Variants in TMPRSS5 observed in about 807,000 individuals in gnomAD.
The protein encoded by TMPRSS5 is transmembrane serine protease 5, also known as transmembrane protease serine 5.
Under a neutral mutation model 59.7 loss-of-function variants are expected in TMPRSS5, and 45 were observed. That is an observed-to-expected ratio of 0.75 (90% confidence interval 0.59 to 0.97). TMPRSS5 has a LOEUF of 0.97. TMPRSS5 is among the 50% of genes least tolerant of loss of function. The pLI, the probability that TMPRSS5 is intolerant of heterozygous loss-of-function variation, is 0.00. For synonymous variants in TMPRSS5, 225 were observed against 232.0 expected, an observed-to-expected ratio of 0.97 and a Z score of 0.27; for missense variants, 585 against 596.7, an observed-to-expected ratio of 0.98 and a Z score of 0.20.
intron 1 of TMPRSS5, among the ~76,000 whole-genome samples, chr11:113,702,595 C>T (rs1480715698): frequency 5.9e-5 from 9 of 152,206 alleles, no homozygotes; most frequent in Non-Finnish European, 1.2e-4. Context: ...GAAAATATCT[C>T]CAGGGCATGT....
At chr11:113,701,748 T>C (rs1338657179) in intron 1 of TMPRSS5, among the ~76,000 whole-genome samples, 1 of 151,334 alleles carries the variant, frequency 6.6e-6, no homozygotes, top group Non-Finnish European at 1.5e-5. Context: ...TATAGTTTCA[T>C]ATAAATGAAA....
At position 113,701,940 on chromosome 11, in the gene TMPRSS5, C is replaced by T. The variant is rs540748560; in HGVS notation, c.4-1772G>A. On this transcript the variant is annotated intron_variant, in intron 1 of 12. Transcript: ENST00000299882. The stretch of plus-strand genomic sequence containing the variant: ...TATGCATTCGGTATTTGTCCTAATG[C>T]TCTCCCTCCCCTTGTCCCCCACCCC... 2.6e-5 allele frequency among the ~76,000 whole-genome samples: 4 copies of T among 152,204 alleles called. No homozygotes were observed. In the East Asian group the frequency reaches 5.8e-4, roughly 22 times the overall value.
In TMPRSS5 at chr11:113,690,874, C is replaced by G; in HGVS notation, c.1030G>C (p.Val344Leu). The stretch of plus-strand genomic sequence containing the variant: ...GGGTGGGTGTGGCCCCAGCCAGACA[C>G]CCAGCACCGCGAGCCCTTCGGAAAA... ...QHFPKGSRCW[V>L]SGWGHTHPSH... Residue 344 changes from valine to leucine, a missense_variant, in exon 10 of 13, where the codon GTG becomes CTG. Val to Leu is a conservative substitution (Grantham distance 32). Transcript: ENST00000299882. The G allele has an allele frequency of 6.3e-7, 1 of 1,596,008 alleles. No individual in the cohort carries two copies. The highest frequency in any genetic ancestry group is 8.5e-7 in the Non-Finnish European group (1 of 1,172,120).
At chr11:113,688,809 C>T (rs1279994255) in intron 12 of TMPRSS5, among the ~76,000 whole-genome samples, 1 of 152,140 alleles carries the variant, frequency 6.6e-6, no homozygotes, top group East Asian at 1.9e-4. Context: ...GATCCGCCCA[C>T]CTCGGCCGCC....
At chr11:113,698,088 C>CG (rs1952980828) in intron 4 of TMPRSS5, among the ~76,000 whole-genome samples, 1 of 152,072 alleles carries the variant, frequency 6.6e-6, no homozygotes, top group Non-Finnish European at 1.5e-5. Flanking sequence ...AGGAAAGGCC[C>CG]GGGGAGTACA....
chr11:113,690,176 G>GGCCCACCCCCCCCCCCACC, intron 11 of TMPRSS5, 55 bp downstream of exon 11: 1 of 388,230 alleles, frequency 2.6e-6, no homozygotes, highest in Non-Finnish European at 4.2e-6. Context: ...CAGGCCCCCT[G>GGCCCACCCCCCCCCCCACC]CCCTCCCACC....
intron 1 of TMPRSS5, among the ~76,000 whole-genome samples, chr11:113,705,481 A>G (rs1953265793): frequency 6.6e-6 from 1 of 152,178 alleles, no homozygotes; most frequent in South Asian, 2.1e-4. Flanking sequence ...GACCTATAGG[A>G]CTGGACCTCC....
chr11:113,706,307 C>G lies in TMPRSS5; in HGVS notation c.-83G>C, dbSNP rs546413665. The G allele has an allele frequency of 1.2e-5, 18 of 1,542,108 alleles. 2 individuals are homozygous for G. The Middle Eastern group carries it at 1.2e-3, about 101-fold the overall frequency. On this transcript the variant is annotated 5_prime_UTR_variant, in exon 1 of 13. Transcript: ENST00000299882. Reference sequence around the variant, plus strand: ...GTTCTCAGGCCAGCATTGATTAAAGCTAGCCCAGCAAGCTTGGTTGGAAGA... The same window carrying G: ...GTTCTCAGGCCAGCATTGATTAAAGGTAGCCCAGCAAGCTTGGTTGGAAGA...
chr11:113,704,139 C>A (rs1953219838), intron 1 of TMPRSS5, among the ~76,000 whole-genome samples: 1 of 151,964 alleles, frequency 6.6e-6, no homozygotes, highest in Admixed American at 6.6e-5. Flanking sequence ...AAGCATAGAG[C>A]AGAGTATGTC....
chr11:113,703,697 T>C (rs1953204978), intron 1 of TMPRSS5, among the ~76,000 whole-genome samples: 1 of 152,206 alleles, frequency 6.6e-6, no homozygotes, highest in Non-Finnish European at 1.5e-5. Context: ...AGTTCCCCTA[T>C]GCTATTCTCA....
At chr11:113,698,314 T>G (rs931061322) in intron 4 of TMPRSS5, among the ~76,000 whole-genome samples, 7 of 152,220 alleles carry the variant, frequency 4.6e-5, no homozygotes, top group Non-Finnish European at 1.0e-4. Flanking sequence ...GTTTTATCCT[T>G]AAACAATTTG....
In TMPRSS5 at chr11:113,689,875, A is replaced by G; in HGVS notation, c.1249T>C (p.Trp417Arg). Residue 417 changes from tryptophan (W) to arginine (R), a missense_variant, in exon 12 of 13, where the codon TGG (tryptophan) becomes CGG (arginine). Trp to Arg is a moderately radical substitution (Grantham distance 101). Transcript: ENST00000299882. ...CAGCTGACCACCCCCACTAGGCGCCATGTGTCCCCATCTGGGCACACTAGG... is the reference window on the plus strand; with the variant it reads ...CAGCTGACCACCCCCACTAGGCGCCGTGTGTCCCCATCTGGGCACACTAGG... ...GPLVCPDGDTWRLVGVVSWGR... is the reference protein window; with the variant it reads ...GPLVCPDGDTRRLVGVVSWGR... The G allele has an allele frequency of 6.3e-7, 1 of 1,576,154 alleles. No homozygotes were observed. Among genetic ancestry groups the G allele is most frequent in the South Asian group, 1.2e-5 (1 of 85,730 alleles).
chr11:113,706,084 C>A, intron 1 of TMPRSS5, 138 bp downstream of exon 1: 1 of 988,692 alleles, frequency 1.0e-6, no homozygotes, highest in South Asian at 1.5e-5. Context: ...ACACAGGGCC[C>A]CTGCTAGGAT....
At chr11:113,693,331 G>A (rs1276536358) in intron 8 of TMPRSS5, 82 bp from the exon 9 acceptor site, 1 of 1,406,492 alleles carries the variant, frequency 7.1e-7, no homozygotes, top group Non-Finnish European at 9.3e-7. Flanking sequence ...GAGGAAGCTG[G>A]CCAGAGCAGC....
intron 7 of TMPRSS5, 85 bp from the exon 8 acceptor site, chr11:113,694,725 C>A: frequency 7.4e-7 from 1 of 1,356,688 alleles, no homozygotes; most frequent in Non-Finnish European, 9.9e-7. Flanking sequence ...TGGCCCAGTG[C>A]TAAGCCCCAG....
intron 2 of TMPRSS5, 34 bp downstream of exon 2, chr11:113,700,032 C>T: frequency 1.3e-6 from 2 of 1,552,424 alleles, no homozygotes; most frequent in African/African-American, 1.4e-5. Context: ...ACTGTCCCCA[C>T]CCTGTCATTC....
chr11:113,703,965 A>T (rs2134831543), intron 1 of TMPRSS5, among the ~76,000 whole-genome samples: 1 of 152,328 alleles, frequency 6.6e-6, no homozygotes, highest in Admixed American at 6.5e-5. Context: ...ATCATCATTC[A>T]AAAGAATAAG....
At chr11:113,698,820 G>T in intron 4 of TMPRSS5, 85 bp downstream of exon 4, 2 of 1,470,620 alleles carry the variant, frequency 1.4e-6, no homozygotes, top group African/African-American at 1.4e-5. Flanking sequence ...TGAACAGATG[G>T]CCCTTCAGTG....
At position 113,700,129 on chromosome 11, in the gene TMPRSS5, A is replaced by T. The variant is rs1430634344; in HGVS notation, c.43T>A (p.Tyr15Asn). Residue 15 changes from tyrosine (Y) to asparagine (N), a missense_variant, in exon 2 of 13, where the codon TAT (tyrosine) becomes AAT (asparagine). By Grantham distance (143) the Tyr-to-Asn change is moderately radical (BLOSUM62 -2). Coordinates refer to ENST00000299882, the MANE Select transcript of TMPRSS5 (RefSeq NM_030770.4). ...LDDQPPMEAQYAEEGPGPGIF... is the reference protein window; with the variant it reads ...LDDQPPMEAQNAEEGPGPGIF... ...CCAGGTCCTGGGCCCTCCTCTGCAT[A>T]CTGGGCCTCCATAGGGGGTTGGTCA... 6.3e-7 allele frequency: 1 copy of T among 1,584,868 alleles called. No individual in the cohort carries two copies. Among genetic ancestry groups the T allele is most frequent in the Non-Finnish European group, 8.6e-7 (1 of 1,164,432 alleles).
Sources: allele counts gnomAD v4.1 joint callset (sites outside exome capture counted in the v4.1 genomes callset), GRCh38; gene constraint gnomAD v4.1.1; transcripts MANE v1.5; gene names NCBI Gene and HGNC (gene_info 2026-07-23, HGNC 2026-07-21).